RAP1GAP2: variants seen among roughly 807,000 people sequenced by gnomAD.
The protein encoded by RAP1GAP2 is rap1 GTPase-activating protein 2.
A neutral mutation model predicts 95.0 loss-of-function variants in RAP1GAP2; 27 were observed. The ratio of observed to expected loss-of-function variants is 0.28; its 90% CI spans 0.21 to 0.39. The LOEUF is 0.39. Ranked by LOEUF, RAP1GAP2 falls within the 10% of genes least tolerant of loss-of-function variation. The pLI is 1.00. For missense variants in RAP1GAP2, 771 were observed against 970.0 expected, an observed-to-expected ratio of 0.79 and a Z score of 2.72; for synonymous variants, 373 against 380.9, an observed-to-expected ratio of 0.98 and a Z score of 0.24.
chr17:2,861,815 C>T (rs562177833), intron 2 of RAP1GAP2, among the ~76,000 whole-genome samples: 7 of 152,010 alleles, frequency 4.6e-5, no homozygotes, highest in Admixed American at 3.3e-4. Context: ...CCACCATGCC[C>T]GGCTAATTTT....
At chr17:2,763,491 T>C (rs945921173) in intron 1 of RAP1GAP2, among the ~76,000 whole-genome samples, 1 of 151,162 alleles carries the variant, frequency 6.6e-6, no homozygotes, top group Non-Finnish European at 1.5e-5. Flanking sequence ...AAGTCAGGAG[T>C]TCAAGACCAG....
rs976965962 is a variant in RAP1GAP2 at position 2,827,377 on chromosome 17, A to G, written c.80+26827A>G. Among the ~76,000 whole-genome samples, 2 of 151,650 alleles carry G rather than the reference A, an allele frequency of 1.3e-5. No homozygotes were observed. The highest frequency in any genetic ancestry group is 1.3e-4 in the Admixed American group (2 of 15,228). On this transcript the variant is annotated intron_variant, in intron 2 of 24. Transcript: ENST00000254695. The surrounding 1 kb of genome is among the most constrained non-coding windows in gnomAD (Gnocchi z 4.1). ...TCTAGTCAGGGAGGCAGATGAGAAC[A>G]GAATGAAGAACGCAGATGGTTTCAG...
chr17:2,871,760 G>A lies in RAP1GAP2; in HGVS notation c.81-33524G>A, dbSNP rs924794943. Among the ~76,000 whole-genome samples the A allele has an allele frequency of 4.6e-5, 7 of 152,168 alleles. No homozygotes were observed. The highest frequency in any genetic ancestry group is 1.3e-4 in the Admixed American group (2 of 15,280). On this transcript the variant is annotated intron_variant, in intron 2 of 24. Coordinates refer to ENST00000254695, the MANE Select transcript of RAP1GAP2 (RefSeq NM_015085.5). This position sits in a 1 kb window ranked among gnomAD's most constrained non-coding sequence, Gnocchi z 5.0. ...CTCCTTGACCCAGTGAGCCACCTCT[G>A]GGGATCTGTCAGATGTGCATCTTTC...
rs2072105594 is a variant in RAP1GAP2, at chr17:2,855,725, G to T, written c.81-49559G>T. Among the ~76,000 whole-genome samples, 1 of 152,100 alleles carries T rather than the reference G, an allele frequency of 6.6e-6. No individual in the cohort carries two copies. Among genetic ancestry groups the T allele is most frequent in the South Asian group, 2.1e-4 (1 of 4,820 alleles). On this transcript the variant is annotated intron_variant, in intron 2 of 24. Transcript: ENST00000254695. This position sits in a 1 kb window ranked among gnomAD's most constrained non-coding sequence, Gnocchi z 4.3. The stretch of plus-strand genomic sequence containing the variant: ...CCTCCTGGGCTCAAACAATTCTCGG[G>T]CCTCAGCCTCCGGAGTAGCTGGGAC...
intron 11 of RAP1GAP2, among the ~76,000 whole-genome samples, chr17:2,985,766 G>A (rs999228108): frequency 2.0e-5 from 3 of 152,148 alleles, no homozygotes; most frequent in African/African-American, 7.2e-5. Context: ...CTGGGGAGGG[G>A]TTGTCACTTG....
At chr17:2,860,039 CG>C (rs1359209775) in intron 2 of RAP1GAP2, among the ~76,000 whole-genome samples, 1 of 150,904 alleles carries the variant, frequency 6.6e-6, no homozygotes, top group Non-Finnish European at 1.5e-5. Flanking sequence ...AACCTGGTAT[CG>C]GGAGATTACC....
rs2070457803 is a variant in RAP1GAP2 at position 2,824,595 on chromosome 17, C to T, written c.80+24045C>T. On this transcript the variant is annotated intron_variant, in intron 2 of 24. Transcript: ENST00000254695. ...TCTCTACTAAAAATACAAAAATTAGCCGGGCATGGTGGTGCATGCCTGTAA... is the reference window on the plus strand; with the variant it reads ...TCTCTACTAAAAATACAAAAATTAGTCGGGCATGGTGGTGCATGCCTGTAA... 2.0e-5 allele frequency among the ~76,000 whole-genome samples: 3 copies of T among 151,500 alleles called. No individual in the cohort carries two copies. In the South Asian group the frequency reaches 6.3e-4, roughly 32 times the overall value.
At chr17:2,923,560 C>T (rs1379804709) in intron 3 of RAP1GAP2, among the ~76,000 whole-genome samples, 2 of 151,794 alleles carry the variant, frequency 1.3e-5, no homozygotes, top group Non-Finnish European at 2.9e-5. Context: ...TCTCGAACTC[C>T]TGACCTCAGG....
rs775732264 is a variant in RAP1GAP2, at chr17:2,857,970, T to G, written c.81-47314T>G. On this transcript the variant is annotated intron_variant, in intron 2 of 24. Transcript: ENST00000254695. The surrounding 1 kb of genome is among the most constrained non-coding windows in gnomAD (Gnocchi z 4.0). ...CAAAAAGTAGCTGGGTGTGGTGGCG[T>G]GCACCTGTAATCCCAGCTATTCAGG... Among the ~76,000 whole-genome samples, 6 of 152,108 alleles carry G rather than the reference T, an allele frequency of 3.9e-5. No homozygotes were observed. The highest frequency in any genetic ancestry group is 8.8e-5 in the Non-Finnish European group (6 of 68,020).
rs377131732 is a variant in RAP1GAP2, at chr17:2,757,955, C to T, written c.50+2188C>T. On this transcript the variant is annotated intron_variant, in intron 1 of 25. Coordinates refer to the RAP1GAP2 transcript ENST00000637138. Reference sequence around the variant, plus strand: ...CGCGATCTCGGCTCACTGCAAGCTCCGCCTGCCGGGTTCACACCATTCTCC... The same window carrying T: ...CGCGATCTCGGCTCACTGCAAGCTCTGCCTGCCGGGTTCACACCATTCTCC... Among the ~76,000 whole-genome samples, 55 of 151,986 alleles carry T rather than the reference C, an allele frequency of 3.6e-4. No homozygotes were observed. In the East Asian group the frequency reaches 8.7e-3, roughly 24 times the overall value.
At position 3,003,438 on chromosome 17, in the gene RAP1GAP2, C is replaced by T. The variant is rs547128872; in HGVS notation, c.1201-1931C>T. Among the ~76,000 whole-genome samples, 3 of 152,296 alleles carry T rather than the reference C, an allele frequency of 2.0e-5. No homozygotes were observed. Among genetic ancestry groups the T allele is most frequent in the Admixed American group, 6.5e-5 (1 of 15,304 alleles). On this transcript the variant is annotated intron_variant, in intron 14 of 24. Transcript: ENST00000254695. This position sits in a 1 kb window ranked among gnomAD's most constrained non-coding sequence, Gnocchi z 4.1. ...GTCAGGAATCTCAGGTGAAGCCCAC[C>T]GCCGGGGAGGGCCCTGTCTTTGTAG...
intron 2 of RAP1GAP2, among the ~76,000 whole-genome samples, chr17:2,864,197 G>A (rs1449357034): frequency 1.3e-5 from 2 of 152,172 alleles, no homozygotes; most frequent in Non-Finnish European, 2.9e-5. Flanking sequence ...GGCGGAGGTG[G>A]GGAGTGGGCC....
At chr17:2,860,391 G>C (rs983942729) in intron 2 of RAP1GAP2, among the ~76,000 whole-genome samples, 1 of 152,026 alleles carries the variant, frequency 6.6e-6, no homozygotes, top group African/African-American at 2.4e-5. Flanking sequence ...TAGACCATTC[G>C]AGTTGAAGGG....
At chr17:2,816,084 A>C (rs909175423) in intron 2 of RAP1GAP2, among the ~76,000 whole-genome samples, 2 of 152,276 alleles carry the variant, frequency 1.3e-5, no homozygotes, top group Non-Finnish European at 2.9e-5. Context: ...TGGGAGCCCA[A>C]GGTGCCCCTT....
intron 3 of RAP1GAP2, among the ~76,000 whole-genome samples, chr17:2,909,622 G>C (rs2042306369): frequency 6.6e-6 from 1 of 152,218 alleles, no homozygotes; most frequent in Non-Finnish European, 1.5e-5. Context: ...CTGTCGGGAG[G>C]GGCCTCAGGC....
chr17:2,899,813 A>G (rs766956077), intron 2 of RAP1GAP2, among the ~76,000 whole-genome samples: 7 of 152,156 alleles, frequency 4.6e-5, no homozygotes, highest in Admixed American at 2.0e-4. Context: ...CCGTGGTCCT[A>G]TTTTTATTTT....
intron 2 of RAP1GAP2, among the ~76,000 whole-genome samples, chr17:2,820,903 T>TTTTTTTTTTTTTTTTTTTTTTTTTTTTG (rs1567678183): frequency 6.9e-6 from 1 of 145,868 alleles, no homozygotes; most frequent in African/African-American, 2.6e-5. Flanking sequence ...TTTTTTTTTT[T>TTTTTTTTTTTTTTTTTTTTTTTTTTTTG]TTTTTTGTAT....
At chr17:3,022,876 G>C (rs986148811) in intron 19 of RAP1GAP2, among the ~76,000 whole-genome samples, 1 of 152,202 alleles carries the variant, frequency 6.6e-6, no homozygotes, top group African/African-American at 2.4e-5. Context: ...TCATGCCTTA[G>C]ATTTAATCCA....
chr17:2,929,254 G>A (rs931409755), intron 3 of RAP1GAP2, among the ~76,000 whole-genome samples: 1 of 152,098 alleles, frequency 6.6e-6, no homozygotes, highest in Non-Finnish European at 1.5e-5. Context: ...AAAAGGCAGG[G>A]GCCTTTGGGG....
Sources: allele counts gnomAD v4.1 joint callset (sites outside exome capture counted in the v4.1 genomes callset), GRCh38; gene constraint gnomAD v4.1.1; non-coding constraint Gnocchi (gnomAD v3.1); transcripts MANE v1.5; gene names NCBI Gene and HGNC (gene_info 2026-07-23, HGNC 2026-07-21).